The following HECA variants were observed in gnomAD, a reference collection of about 807,000 sequenced individuals.
The protein encoded by HECA is headcase protein homolog.
In HECA, 13 loss-of-function variants were observed where a neutral mutation model predicts 37.6. The observed-to-expected ratio is 0.35, with a 90% CI of 0.23 to 0.55. The LOEUF is 0.55. Ranked by LOEUF, HECA falls within the 20% of genes least tolerant of loss-of-function variation. The probability of loss-of-function intolerance (pLI) is 0.90; values close to 1 mark genes in which losing one functional copy is unlikely to be tolerated. For missense variants in HECA, 527 were observed against 701.9 expected, an observed-to-expected ratio of 0.75 and a Z score of 2.82; for synonymous variants, 307 against 291.5, an observed-to-expected ratio of 1.05 and a Z score of -0.54.
At position 139,135,249 on chromosome 6, in the gene HECA, C is replaced by T; in HGVS notation, c.-148C>T. The T allele has an allele frequency of 1.8e-6, 1 of 567,378 alleles. No homozygotes were observed. Among genetic ancestry groups the T allele is most frequent in the Non-Finnish European group, 2.4e-6 (1 of 423,920 alleles). The allele number at this position is 567,378 out of a possible 1,614,324, so 35.1% of individuals were successfully genotyped here. On this transcript the variant is annotated 5_prime_UTR_variant, in exon 1 of 4. Transcript: ENST00000367658. ...GGCGGCCAGGATGGCGCGGCACGGG[C>T]CGTGCGGCTAGACGGGAGCCGAGGG...
intron 1 of HECA, among the ~76,000 whole-genome samples, chr6:139,146,860 T>C (rs1774591650): frequency 1.3e-5 from 2 of 152,206 alleles, no homozygotes; most frequent in South Asian, 4.1e-4. Context: ...ATGATACAGT[T>C]CCACTGTGTT....
chr6:139,171,873 C>T (rs1186589020), intron 2 of HECA, among the ~76,000 whole-genome samples: 1 of 151,808 alleles, frequency 6.6e-6, no homozygotes, highest in African/African-American at 2.4e-5. Context: ...CTTTTGTTGC[C>T]CAGGCTGGAG....
intron 1 of HECA, among the ~76,000 whole-genome samples, chr6:139,144,982 T>G (rs778483660): frequency 6.6e-6 from 1 of 152,226 alleles, no homozygotes; most frequent in Non-Finnish European, 1.5e-5. Context: ...TTTGAGCAAG[T>G]AAGATTTTCT....
At chr6:139,168,520 T>C (rs533987482) in intron 2 of HECA, among the ~76,000 whole-genome samples, 30 of 152,102 alleles carry the variant, frequency 2.0e-4, no homozygotes, top group African/African-American at 7.0e-4. Flanking sequence ...GTCAGATTTT[T>C]TTTGGAAAAA....
intron 2 of HECA, among the ~76,000 whole-genome samples, chr6:139,172,774 C>G (rs989181445): frequency 5.3e-5 from 8 of 152,196 alleles, no homozygotes; most frequent in Admixed American, 4.6e-4. Flanking sequence ...CTTGGGCAAG[C>G]TGCTCAGCTC....
intron 2 of HECA, among the ~76,000 whole-genome samples, chr6:139,171,674 C>T (rs947994784): frequency 6.6e-6 from 1 of 152,012 alleles, no homozygotes; most frequent in Admixed American, 6.6e-5. Flanking sequence ...CCCTGGCTGG[C>T]TGGAAAGCAG....
In HECA at chr6:139,166,209, A is replaced by G. The variant is rs546984118; in HGVS notation, c.272-75A>G. ...TCATGTCTTAGAAAAACCTTATACC[A>G]TACTGTTGCAAGTACAGGTTGAGTA... On this transcript the variant is annotated intron_variant, in intron 1 of 3. Coordinates refer to ENST00000367658, the MANE Select transcript of HECA (RefSeq NM_016217.3). 155 of 1,187,088 alleles carry G rather than the reference A, an allele frequency of 1.3e-4. 1 individual carries two copies. The South Asian group carries it at 2.2e-3, about 17-fold the overall frequency. The allele number at this position is 1,187,088 out of a possible 1,614,324, so 73.5% of individuals were successfully genotyped here.
intron 1 of HECA, among the ~76,000 whole-genome samples, chr6:139,136,283 A>AAG (rs1562241182): frequency 2.0e-5 from 3 of 150,240 alleles, no homozygotes; most frequent in Non-Finnish European, 4.4e-5. Context: ...AAAAAAAAAA[A>AAG]AAAGAAAAGA....
At chr6:139,174,111 A>G (rs779926360) in intron 2 of HECA, among the ~76,000 whole-genome samples, 14 of 152,210 alleles carry the variant, frequency 9.2e-5, no homozygotes, top group Non-Finnish European at 1.5e-4. Context: ...GGATGGACCC[A>G]TTATGTAAGC....
intron 1 of HECA, among the ~76,000 whole-genome samples, chr6:139,140,946 A>G (rs889200181): frequency 6.6e-6 from 1 of 152,078 alleles, no homozygotes; most frequent in Non-Finnish European, 1.5e-5. Context: ...ACCCGCCACA[A>G]TGCCCGGCTA....
intron 1 of HECA, chr6:139,159,351 G>C (rs889069375): frequency 1.1e-4 from 17 of 152,096 alleles, no homozygotes; most frequent in African/African-American, 4.1e-4. Flanking sequence ...AATAATCAGC[G>C]ATCTAATAAA....
intron 1 of HECA, among the ~76,000 whole-genome samples, chr6:139,158,670 CAAAAA>C (rs4052916): frequency 1.6e-5 from 2 of 123,162 alleles, no homozygotes; most frequent in African/African-American, 3.0e-5. Context: ...GACCCTGTCT[CAAAAA>C]AAAAAAAAAA....
rs898220125 is a variant in HECA, at chr6:139,178,249, C to CAT, written c.*1152_*1153dup. On this transcript the variant is annotated 3_prime_UTR_variant, in exon 4 of 4. Transcript: ENST00000367658. ...CTTACTGTTGATGAAAAAGGATGATCATATATATAGAACTTGATTAGTCAG... is the reference window on the plus strand; with the variant it reads ...CTTACTGTTGATGAAAAAGGATGATCATATATATATAGAACTTGATTAGTCAG... 1 of 152,140 alleles carries CAT rather than the reference C, an allele frequency of 6.6e-6. No homozygotes were observed. Among genetic ancestry groups the CAT allele is most frequent in the Admixed American group, 6.5e-5 (1 of 15,282 alleles). 9.4% of individuals were successfully genotyped at this position (152,140 alleles called of 1,614,324 possible). A position where few individuals can be genotyped will look rare whatever the true frequency, so the allele number is the denominator to read the frequency against.
intron 1 of HECA, among the ~76,000 whole-genome samples, chr6:139,159,741 G>T (rs9495363): frequency 0.55 from 84,240 of 152,028 alleles, 24,184 homozygotes; most frequent in Non-Finnish European, 0.59. Flanking sequence ...TTATGCAGTA[G>T]TGGGTTTACA....
At chr6:139,163,124 A>C (rs1342792125) in intron 1 of HECA, among the ~76,000 whole-genome samples, 1 of 152,134 alleles carries the variant, frequency 6.6e-6, no homozygotes, top group Non-Finnish European at 1.5e-5. Flanking sequence ...TATTGCATCC[A>C]GTGAATTCTT....
At chr6:139,135,817 C>G (rs1774427580) in intron 1 of HECA, 150 bp downstream of exon 1, 1 of 230,586 alleles carries the variant, frequency 4.3e-6, no homozygotes, top group South Asian at 1.5e-4. Flanking sequence ...GCTGCCCCTT[C>G]GCGGTCCCCA....
chr6:139,174,421 G>A lies in HECA; in HGVS notation c.1349G>A (p.Cys450Tyr). The A allele has an allele frequency of 6.2e-7, 1 of 1,613,942 alleles. No individual in the cohort carries two copies. The highest frequency in any genetic ancestry group is 8.5e-7 in the Non-Finnish European group (1 of 1,179,970). Residue 450 changes from cysteine (C) to tyrosine (Y), a missense_variant, in exon 3 of 4, where the codon TGC (cysteine) becomes TAC (tyrosine). Around this residue, in one of 4 missense-constraint regions of HECA, gnomAD observed 106 missense variants for 193.4 expected, o/e 0.55. Transcript: ENST00000367658. ...CATCTGTATGCCGTGTGCGTGGACT[G>A]CCTGGAAGGGGTTCACAAGATCATC... ...LMHLYAVCVD[C>Y]LEGVHKIICI...
intron 1 of HECA, among the ~76,000 whole-genome samples, chr6:139,141,654 C>T (rs1774513639): frequency 6.6e-6 from 1 of 152,130 alleles, no homozygotes. Context: ...ACAGCATCCT[C>T]ACATGGCAGA....
rs1373763662 is a variant in HECA at position 139,178,323 on chromosome 6, C to T, written c.*1218C>T. 1.3e-5 allele frequency: 2 copies of T among 152,038 alleles called. No homozygotes were observed. The highest frequency in any genetic ancestry group is 2.9e-5 in the Non-Finnish European group (2 of 68,010). 9.4% of individuals were successfully genotyped at this position (152,038 alleles called of 1,614,324 possible). A position where few individuals can be genotyped will look rare whatever the true frequency, so the allele number is the denominator to read the frequency against. On this transcript the variant is annotated 3_prime_UTR_variant, in exon 4 of 4. Transcript: ENST00000367658. ...GCCTTTGGTTCAGTAGATTTTAATG[C>T]TTTAAATAGACTGACGTCGCATACC...
Sources: gnomAD v4.1 joint callset for allele counts (sites outside exome capture counted in the v4.1 genomes callset) on GRCh38, gnomAD v4.1.1 for gene constraint, gnomAD v4.1.1 regional missense constraint, MANE v1.5 for transcripts, NCBI Gene and HGNC (gene_info 2026-07-23, HGNC 2026-07-21) for gene names.